The following CSMD1 variants were observed in gnomAD, a reference collection of about 807,000 sequenced individuals.
CSMD1 encodes CUB and sushi domain-containing protein 1.
In CSMD1, 213 loss-of-function variants were observed where a neutral mutation model predicts 417.5. The observed-to-expected ratio is 0.51, with a 90% CI of 0.46 to 0.57. The LOEUF (loss-of-function observed/expected upper bound fraction) is 0.57, where lower values mean the gene tolerates loss of function less well. Ranked by LOEUF, CSMD1 falls within the 20% of genes least tolerant of loss-of-function variation. CSMD1 has a pLI of 0.00. For synonymous variants in CSMD1, 2,862 were observed against 1,736.8 expected, an observed-to-expected ratio of 1.65 and a Z score of -16.11; for missense variants, 6,923 against 4,529.7, an observed-to-expected ratio of 1.53 and a Z score of -15.17.
chr8:3,106,261 G>C (rs1445629200), intron 46 of CSMD1, among the ~76,000 whole-genome samples: 1 of 151,554 alleles, frequency 6.6e-6, no homozygotes, highest in East Asian at 1.9e-4. Flanking sequence ...GCCAGGCATG[G>C]TGGTGCATGC....
chr8:3,416,239 C>G (rs1196052989), intron 12 of CSMD1, among the ~76,000 whole-genome samples: 2 of 139,638 alleles, frequency 1.4e-5, no homozygotes, highest in African/African-American at 5.3e-5. Flanking sequence ...TAGGCTGGAG[C>G]TTGCAGTGAA....
chr8:4,147,544 T>G (rs981962313), intron 3 of CSMD1, among the ~76,000 whole-genome samples: 1 of 152,206 alleles, frequency 6.6e-6, no homozygotes, highest in Admixed American at 6.5e-5. Context: ...GCATTTTAAT[T>G]AGTCATGTAT....
intron 2 of CSMD1, among the ~76,000 whole-genome samples, chr8:4,588,881 G>A (rs1049841785): frequency 1.3e-5 from 2 of 151,964 alleles, no homozygotes; most frequent in South Asian, 2.1e-4. Context: ...ATGTGATGTG[G>A]CATTAAAAAC....
intron 1 of CSMD1, among the ~76,000 whole-genome samples, chr8:4,759,565 C>A (rs35306804): frequency 7.0e-5 from 10 of 143,860 alleles, no homozygotes; most frequent in Admixed American, 6.7e-5. Context: ...TCCCTTTCCC[C>A]GAACCATCCC....
At chr8:3,340,193 C>T (rs747838284) in intron 23 of CSMD1, among the ~76,000 whole-genome samples, 2 of 152,164 alleles carry the variant, frequency 1.3e-5, no homozygotes, top group Non-Finnish European at 2.9e-5. Context: ...TGCAATTACA[C>T]CACTCCCTGT....
chr8:4,279,394 C>G (rs1054841127), intron 3 of CSMD1, among the ~76,000 whole-genome samples: 1 of 152,196 alleles, frequency 6.6e-6, no homozygotes, highest in Non-Finnish European at 1.5e-5. Flanking sequence ...TTCCTGGATT[C>G]TGAATCACCA....
chr8:4,122,308 G>A (rs138552540), intron 3 of CSMD1, among the ~76,000 whole-genome samples: 5 of 152,066 alleles, frequency 3.3e-5, no homozygotes, highest in Admixed American at 3.3e-4. Flanking sequence ...AGACAGCTTT[G>A]ATGACCAAAT....
At chr8:4,295,833 T>C (rs1267208329) in intron 3 of CSMD1, among the ~76,000 whole-genome samples, 1 of 146,552 alleles carries the variant, frequency 6.8e-6, no homozygotes. Context: ...TTCTCCCTTA[T>C]GCAAATTTCA....
At position 3,889,564 on chromosome 8, in the gene CSMD1, T is replaced by A. The variant is rs564787295; in HGVS notation, c.818+108339A>T. 4.9e-3 allele frequency among the ~76,000 whole-genome samples: 723 copies of A among 146,644 alleles called. 16 individuals are homozygous for A. Among genetic ancestry groups the A allele is most frequent in the Non-Finnish European group, 8.6e-3 (576 of 66,704 alleles). The stretch of plus-strand genomic sequence containing the variant: ...ACATATGTGTATATGTGTGTCTGTG[T>A]GTGTGTATGTGTATGTATACATATA... On this transcript the variant is annotated intron_variant, in intron 5 of 69. Coordinates refer to ENST00000635120, the MANE Select transcript of CSMD1 (RefSeq NM_033225.6).
intron 2 of CSMD1, among the ~76,000 whole-genome samples, chr8:4,599,561 T>C (rs888855535): frequency 6.6e-6 from 1 of 152,072 alleles, no homozygotes; most frequent in African/African-American, 2.4e-5. Flanking sequence ...AAAAAAAATC[T>C]CATTGATAAG....
chr8:3,438,581 A>C (rs550109183), intron 12 of CSMD1, among the ~76,000 whole-genome samples: 2 of 152,250 alleles, frequency 1.3e-5, no homozygotes, highest in South Asian at 4.1e-4. Context: ...TCAATAGTTT[A>C]TTCCTTTTTA....
chr8:4,759,803 A>G, intron 1 of CSMD1, among the ~76,000 whole-genome samples: 1 of 152,170 alleles, frequency 6.6e-6, no homozygotes, highest in East Asian at 1.9e-4. Context: ...TTCTTTATCC[A>G]GTGTGTCACT....
At chr8:3,984,840 G>T in intron 5 of CSMD1, among the ~76,000 whole-genome samples, 1 of 149,936 alleles carries the variant, frequency 6.7e-6, no homozygotes. Flanking sequence ...AGAGAAAAAG[G>T]AGCAAGAAGA....
At chr8:4,174,266 A>G (rs1797920142) in intron 3 of CSMD1, among the ~76,000 whole-genome samples, 1 of 152,162 alleles carries the variant, frequency 6.6e-6, no homozygotes, top group Non-Finnish European at 1.5e-5. Context: ...AATCTTCAGC[A>G]AGAATAGAGG....
At chr8:4,083,042 C>A (rs1002204468) in intron 3 of CSMD1, among the ~76,000 whole-genome samples, 2 of 151,842 alleles carry the variant, frequency 1.3e-5, no homozygotes, top group Admixed American at 6.6e-5. Flanking sequence ...TGTTCCAAGT[C>A]TTTGCTATTG....
chr8:3,762,846 C>T (rs1486239005), intron 5 of CSMD1, among the ~76,000 whole-genome samples: 1 of 152,192 alleles, frequency 6.6e-6, no homozygotes, highest in East Asian at 1.9e-4. Flanking sequence ...CCAGAGTAAG[C>T]AGCCGAGACA....
intron 5 of CSMD1, among the ~76,000 whole-genome samples, chr8:3,984,308 T>C (rs758412251): frequency 2.6e-5 from 4 of 152,170 alleles, no homozygotes; most frequent in Non-Finnish European, 4.4e-5. Context: ...GCACAGAGTT[T>C]ACTGAGCCAA....
intron 3 of CSMD1, among the ~76,000 whole-genome samples, chr8:4,356,963 G>C (rs1801466220): frequency 6.6e-6 from 1 of 152,154 alleles, no homozygotes; most frequent in South Asian, 2.1e-4. Context: ...GCAACTGAAA[G>C]ACTTTGCAGC....
chr8:3,654,816 C>G (rs1014703338), intron 7 of CSMD1, among the ~76,000 whole-genome samples: 1 of 152,098 alleles, frequency 6.6e-6, no homozygotes, highest in Non-Finnish European at 1.5e-5. Context: ...GCTACCATGG[C>G]GCCCAGGATC....
Sources: allele counts gnomAD v4.1 joint callset (sites outside exome capture counted in the v4.1 genomes callset), GRCh38; gene constraint gnomAD v4.1.1; transcripts MANE v1.5; gene names NCBI Gene and HGNC (gene_info 2026-07-23, HGNC 2026-07-21).